CSMD1: variants seen among roughly 807,000 people sequenced by gnomAD.
CSMD1 encodes CUB and Sushi multiple domains 1, also known as CUB and sushi domain-containing protein 1.
Under a neutral mutation model 417.5 loss-of-function variants are expected in CSMD1, and 213 were observed. The ratio of observed to expected loss-of-function variants is 0.51; its 90% confidence interval spans 0.46 to 0.57. CSMD1 has a LOEUF of 0.57. CSMD1 is among the 20% of genes least tolerant of loss of function. CSMD1 has a pLI of 0.00. For synonymous variants in CSMD1, 2,862 were observed against 1,736.8 expected (o/e 1.65, Z -16.11); for missense variants, 6,923 against 4,529.7 (o/e 1.53, Z -15.17).
At chr8:3,483,634 T>G (rs1398946087) in intron 11 of CSMD1, among the ~76,000 whole-genome samples, 1 of 152,132 alleles carries the variant, frequency 6.6e-6, no homozygotes, top group East Asian at 1.9e-4. Context: ...AATCTTATAA[T>G]GAAGATAGTA....
chr8:4,227,908 A>G lies in CSMD1; in HGVS notation c.415+192045T>C, dbSNP rs377676680. Reference sequence around the variant, plus strand: ...CCCCACACTTGGAGACACACCCTCCACCCCACATTAAATCCCACACCTAGA... The same window carrying G: ...CCCCACACTTGGAGACACACCCTCCGCCCCACATTAAATCCCACACCTAGA... On this transcript the variant is annotated intron_variant, in intron 3 of 69. Coordinates refer to ENST00000635120, the MANE Select transcript of CSMD1 (RefSeq NM_033225.6). Among the ~76,000 whole-genome samples the G allele has an allele frequency of 1.7e-4, 26 of 150,196 alleles. 1 individual carries two copies. The highest frequency in any genetic ancestry group is 5.3e-4 in the Admixed American group (8 of 15,092).
intron 3 of CSMD1, among the ~76,000 whole-genome samples, chr8:4,119,760 G>A (rs1220658873): frequency 3.3e-5 from 5 of 152,146 alleles, no homozygotes; most frequent in African/African-American, 9.7e-5. Flanking sequence ...AACATCCATG[G>A]CATTTTGCTA....
intron 62 of CSMD1, among the ~76,000 whole-genome samples, chr8:2,960,627 T>C (rs1803372447): frequency 6.6e-6 from 1 of 152,204 alleles, no homozygotes; most frequent in Non-Finnish European, 1.5e-5. Flanking sequence ...AGTACGCTAA[T>C]AATTCATAGA....
At chr8:4,005,011 T>A (rs1352830022) in intron 4 of CSMD1, among the ~76,000 whole-genome samples, 2 of 152,182 alleles carry the variant, frequency 1.3e-5, no homozygotes, top group African/African-American at 2.4e-5. Flanking sequence ...CCCTAGTGAC[T>A]CTTATTCTAA....
chr8:3,848,150 T>C (rs1224797687), intron 5 of CSMD1, among the ~76,000 whole-genome samples: 1 of 152,140 alleles, frequency 6.6e-6, no homozygotes, highest in Non-Finnish European at 1.5e-5. Context: ...CTGCTGTATG[T>C]GGTGGATGAG....
intron 41 of CSMD1, among the ~76,000 whole-genome samples, chr8:3,130,084 A>AT (rs1409960227): frequency 6.6e-6 from 1 of 152,166 alleles, no homozygotes; most frequent in Non-Finnish European, 1.5e-5. Flanking sequence ...ACACCAATTA[A>AT]TTGACAGTTA....
rs916488950 is a variant in CSMD1, at chr8:3,204,225, G to A, written c.4984+1279C>T. On this transcript the variant is annotated intron_variant, in intron 31 of 69. Coordinates refer to ENST00000635120, the MANE Select transcript of CSMD1 (RefSeq NM_033225.6). ...TAAACGATATTTAGGATATGAGTAT[G>A]ACTTCTTTAGCTGAAAATTTTTAAT... Among the ~76,000 whole-genome samples, 63 of 152,242 alleles carry A rather than the reference G, an allele frequency of 4.1e-4. 1 individual carries two copies. Among genetic ancestry groups the A allele is most frequent in the Admixed American group, 2.6e-3 (39 of 15,294 alleles).
chr8:3,662,868 T>A (rs183071040), intron 7 of CSMD1, among the ~76,000 whole-genome samples: 2 of 152,062 alleles, frequency 1.3e-5, no homozygotes, highest in Non-Finnish European at 1.5e-5. Flanking sequence ...GGGAGAGCAT[T>A]AGGACAAATA....
At chr8:4,130,377 C>G (rs1585380756) in intron 3 of CSMD1, among the ~76,000 whole-genome samples, 1 of 152,082 alleles carries the variant, frequency 6.6e-6, no homozygotes, top group African/African-American at 2.4e-5. Flanking sequence ...ATCCTAATTC[C>G]TTGTAAAATA....
intron 4 of CSMD1, among the ~76,000 whole-genome samples, chr8:4,010,427 A>C (rs73658530): frequency 6.6e-6 from 1 of 152,114 alleles, no homozygotes; most frequent in Non-Finnish European, 1.5e-5. Flanking sequence ...GGTCATTTCA[A>C]TGTCAACACA....
chr8:3,349,080 C>G (rs1808215562), intron 21 of CSMD1, among the ~76,000 whole-genome samples: 1 of 152,198 alleles, frequency 6.6e-6, no homozygotes, highest in African/African-American at 2.4e-5. Flanking sequence ...GCCCAGCACA[C>G]CGATGTAAAC....
At chr8:3,674,842 C>G (rs1027690752) in intron 7 of CSMD1, among the ~76,000 whole-genome samples, 2 of 152,116 alleles carry the variant, frequency 1.3e-5, no homozygotes, top group Non-Finnish European at 2.9e-5. Context: ...GGGCACTTTG[C>G]AGTAAAGACT....
At chr8:4,921,403 A>G (rs1261519504) in intron 1 of CSMD1, among the ~76,000 whole-genome samples, 2 of 152,220 alleles carry the variant, frequency 1.3e-5, no homozygotes, top group Admixed American at 1.3e-4. Context: ...AAACATGTAT[A>G]ATGTGAATTA....
chr8:4,246,757 G>T (rs991160059), intron 3 of CSMD1, among the ~76,000 whole-genome samples: 2 of 152,196 alleles, frequency 1.3e-5, no homozygotes, highest in South Asian at 2.1e-4. Context: ...AAAGAAAACA[G>T]GATCAAGAAG....
At chr8:4,875,787 A>G (rs1002674315) in intron 1 of CSMD1, among the ~76,000 whole-genome samples, 3 of 152,084 alleles carry the variant, frequency 2.0e-5, no homozygotes, top group Non-Finnish European at 2.9e-5. Context: ...ACTCTAAGAT[A>G]TAATGGTTTG....
At chr8:4,065,169 A>T (rs1306686541) in intron 3 of CSMD1, among the ~76,000 whole-genome samples, 1 of 152,230 alleles carries the variant, frequency 6.6e-6, no homozygotes, top group African/African-American at 2.4e-5. Flanking sequence ...CTATTTACAC[A>T]AAACACTTCT....
intron 12 of CSMD1, among the ~76,000 whole-genome samples, chr8:3,411,417 A>G (rs1396478942): frequency 6.6e-6 from 1 of 151,704 alleles, no homozygotes; most frequent in East Asian, 2.0e-4. Context: ...TGCTGCGTTC[A>G]TTTTGTAGTC....
intron 40 of CSMD1, among the ~76,000 whole-genome samples, chr8:3,145,106 C>A (rs1818766475): frequency 6.6e-6 from 1 of 151,714 alleles, no homozygotes; most frequent in African/African-American, 2.4e-5. Context: ...TGTGTGACTG[C>A]CTTATGAACA....
intron 23 of CSMD1, among the ~76,000 whole-genome samples, chr8:3,332,924 G>C (rs1267818678): frequency 6.6e-6 from 1 of 152,192 alleles, no homozygotes; most frequent in Non-Finnish European, 1.5e-5. Flanking sequence ...GGAAGTGTCT[G>C]TTCTGTCGAT....
Sources: allele counts gnomAD v4.1 joint callset (sites outside exome capture counted in the v4.1 genomes callset), GRCh38; gene constraint gnomAD v4.1.1; transcripts MANE v1.5; gene names NCBI Gene and HGNC (gene_info 2026-07-23, HGNC 2026-07-21).